Variants in TMEM163 observed in about 807,000 individuals in gnomAD.
TMEM163 encodes transmembrane protein 163.
Under a neutral mutation model 29.3 loss-of-function variants are expected in TMEM163, and 17 were observed. The observed-to-expected ratio is 0.58, with a 90% CI of 0.40 to 0.87. TMEM163 has a LOEUF of 0.87. Among genes scored for constraint, TMEM163 ranks in the 40% least tolerant of loss-of-function variants. The probability of loss-of-function intolerance (pLI) is 0.00; values close to 1 mark genes in which losing one functional copy is unlikely to be tolerated. For missense variants in TMEM163, 303 were observed against 381.5 expected, an observed-to-expected ratio of 0.79 and a Z score of 1.71; for synonymous variants, 157 against 160.6, an observed-to-expected ratio of 0.98 and a Z score of 0.17.
intron 2 of TMEM163, among the ~76,000 whole-genome samples, chr2:134,572,496 A>G (rs1312241688): frequency 6.6e-6 from 1 of 152,222 alleles, no homozygotes; most frequent in Admixed American, 6.5e-5. Context: ...TACCACCTTA[A>G]TTAAAATCAT....
At chr2:134,478,080 C>T (rs1417592371) in intron 5 of TMEM163, among the ~76,000 whole-genome samples, 1 of 152,176 alleles carries the variant, frequency 6.6e-6, no homozygotes, top group Non-Finnish European at 1.5e-5. Flanking sequence ...CCCACTCTTG[C>T]TACTGCTCTC....
At chr2:134,593,874 C>T (rs923637768) in intron 2 of TMEM163, among the ~76,000 whole-genome samples, 2 of 150,862 alleles carry the variant, frequency 1.3e-5, no homozygotes, top group Non-Finnish European at 2.9e-5. Context: ...TGTAGCAATG[C>T]GATTAACCCC....
At chr2:134,701,805 C>T (rs1684709483) in intron 2 of TMEM163, among the ~76,000 whole-genome samples, 1 of 151,488 alleles carries the variant, frequency 6.6e-6, no homozygotes, top group Admixed American at 6.6e-5. Context: ...GTAATCCCAG[C>T]TCCTTGGGAG....
intron 2 of TMEM163, among the ~76,000 whole-genome samples, chr2:134,581,456 G>A (rs1257770653): frequency 6.6e-5 from 10 of 152,206 alleles, no homozygotes; most frequent in Admixed American, 2.0e-4. Flanking sequence ...TTTGGTGAGA[G>A]AAATTGAATG....
chr2:134,701,161 T>C (rs1296070055), intron 2 of TMEM163, among the ~76,000 whole-genome samples: 1 of 151,376 alleles, frequency 6.6e-6, no homozygotes, highest in African/African-American at 2.4e-5. Context: ...AATTAAAAAG[T>C]TAAATATAAA....
rs561817911 is a variant in TMEM163 at position 134,627,896 on chromosome 2, T to C, written c.323-75805A>G. On this transcript the variant is annotated intron_variant, in intron 2 of 7. Transcript: ENST00000281924. Reference sequence around the variant, plus strand: ...CTATTTTTCAAATTTGAAATGATGCTCTTCAATTTAAGAAGAAATAGAAAT... The same window carrying C: ...CTATTTTTCAAATTTGAAATGATGCCCTTCAATTTAAGAAGAAATAGAAAT... Among the ~76,000 whole-genome samples, 61 of 152,320 alleles carry C rather than the reference T, an allele frequency of 4.0e-4. No individual in the cohort carries two copies. The South Asian group carries it at 0.012, about 31-fold the overall frequency.
At chr2:134,523,009 T>C (rs1160671175) in intron 4 of TMEM163, among the ~76,000 whole-genome samples, 1 of 152,250 alleles carries the variant, frequency 6.6e-6, no homozygotes, top group Non-Finnish European at 1.5e-5. Context: ...ACAGCACTTA[T>C]ATAATGAGGT....
chr2:134,497,023 A>G (rs1336357676), intron 5 of TMEM163, among the ~76,000 whole-genome samples: 3 of 152,236 alleles, frequency 2.0e-5, no homozygotes, highest in Non-Finnish European at 2.9e-5. Flanking sequence ...CAGATGTCGC[A>G]TGGAGTGTCT....
intron 2 of TMEM163, among the ~76,000 whole-genome samples, chr2:134,603,686 T>A (rs1039881413): frequency 2.6e-5 from 4 of 152,164 alleles, no homozygotes; most frequent in African/African-American, 9.7e-5. Context: ...GTATCCTGCC[T>A]GGCAGGGTGA....
intron 2 of TMEM163, among the ~76,000 whole-genome samples, chr2:134,561,498 C>T (rs1681182529): frequency 6.6e-6 from 1 of 152,108 alleles, no homozygotes; most frequent in Non-Finnish European, 1.5e-5. Flanking sequence ...AGGCACCCAC[C>T]ACCACGCCCG....
intron 4 of TMEM163, among the ~76,000 whole-genome samples, chr2:134,530,610 T>A (rs1222862632): frequency 6.6e-6 from 1 of 152,122 alleles, no homozygotes; most frequent in Non-Finnish European, 1.5e-5. Flanking sequence ...CCAGAGAAAT[T>A]CAAAGAAGGC....
intron 6 of TMEM163, chr2:134,458,518 G>A (rs933810931): frequency 1.1e-5 from 3 of 265,610 alleles, no homozygotes; most frequent in African/African-American, 6.4e-5. Context: ...ACAGTCCCCA[G>A]GACAGTTCCA....
intron 2 of TMEM163, among the ~76,000 whole-genome samples, chr2:134,592,762 T>C (rs1268376786): frequency 2.0e-5 from 3 of 152,040 alleles, no homozygotes; most frequent in Non-Finnish European, 4.4e-5. Flanking sequence ...TATGCATATA[T>C]ACACATGTAT....
chr2:134,464,169 TG>T (rs1350119473), intron 6 of TMEM163, among the ~76,000 whole-genome samples: 5 of 152,204 alleles, frequency 3.3e-5, no homozygotes, highest in Non-Finnish European at 7.4e-5. Context: ...CAGGCCCTGC[TG>T]GTCGGGGCGA....
chr2:134,563,390 T>C (rs1310131685), intron 2 of TMEM163, among the ~76,000 whole-genome samples: 1 of 152,166 alleles, frequency 6.6e-6, no homozygotes, highest in East Asian at 1.9e-4. Flanking sequence ...GCAGACAGAA[T>C]AGGGGAACTA....
intron 4 of TMEM163, among the ~76,000 whole-genome samples, chr2:134,532,651 T>C (rs1680440333): frequency 6.6e-6 from 1 of 152,218 alleles, no homozygotes; most frequent in South Asian, 2.1e-4. Flanking sequence ...AGTCTATTGT[T>C]TGTAAGCCTG....
At chr2:134,480,083 T>C (rs1007677604) in intron 5 of TMEM163, among the ~76,000 whole-genome samples, 1 of 152,200 alleles carries the variant, frequency 6.6e-6, no homozygotes, top group Non-Finnish European at 1.5e-5. Flanking sequence ...TAGATAAGTG[T>C]GCCCATGACC....
At chr2:134,658,299 A>C (rs548537273) in intron 2 of TMEM163, among the ~76,000 whole-genome samples, 1 of 152,354 alleles carries the variant, frequency 6.6e-6, no homozygotes, top group East Asian at 1.9e-4. Flanking sequence ...ACAAAAACCT[A>C]GCTCTGAATT....
intron 5 of TMEM163, among the ~76,000 whole-genome samples, chr2:134,492,599 G>A (rs1018415787): frequency 2.0e-5 from 3 of 152,036 alleles, no homozygotes; most frequent in Non-Finnish European, 4.4e-5. Flanking sequence ...GAGTCATATA[G>A]TATTAAATAC....
Sources: gnomAD v4.1 joint callset for allele counts (sites outside exome capture counted in the v4.1 genomes callset) on GRCh38, gnomAD v4.1.1 for gene constraint, MANE v1.5 for transcripts, NCBI Gene and HGNC (gene_info 2026-07-23, HGNC 2026-07-21) for gene names.